Variants in RCOR1 observed in about 807,000 individuals in gnomAD.
RCOR1 encodes the protein REST corepressor 1.
A neutral mutation model predicts 64.0 loss-of-function variants in RCOR1; 12 were observed. The ratio of observed to expected loss-of-function variants is 0.19; its 90% confidence interval spans 0.12 to 0.30. The LOEUF is 0.30. Ranked by LOEUF, RCOR1 falls within the 10% of genes least tolerant of loss-of-function variation. RCOR1 has a pLI of 1.00. For synonymous variants in RCOR1, 279 were observed against 227.2 expected (o/e 1.23, Z -2.05); for missense variants, 502 against 621.2 (o/e 0.81, Z 2.04).
At chr14:102,623,967 G>A (rs1200139793) in intron 2 of RCOR1, among the ~76,000 whole-genome samples, 1 of 151,280 alleles carries the variant, frequency 6.6e-6, no homozygotes, top group African/African-American at 2.4e-5. Flanking sequence ...GCTGAGGCGG[G>A]TGGATCATGA....
Position 102,592,984 on chromosome 14 carries a change from C to A in RCOR1, c.98C>A (p.Ala33Asp). The change falls in exon 1 of 12, where the codon GCC becomes GAC. Residue 33 changes from alanine to aspartate, a missense_variant. By Grantham distance (126) the Ala-to-Asp change is moderately radical. Around this residue, in one of 2 missense-constraint regions of RCOR1, gnomAD observed 242 missense variants for 204.9 expected, o/e 1.18. Transcript: ENST00000262241. ...GCCTCCGCCGCCGCCGCCTCCGCCG[C>A]CGCCTCGGCCGCCTGCGCCTCGCCA... ...ASASAAAASAAASAACASPAA... is the reference protein window; with the variant it reads ...ASASAAAASADASAACASPAA... 8.7e-7 allele frequency: 1 copy of A among 1,151,912 alleles called. No individual in the cohort carries two copies. 71.4% of individuals were successfully genotyped at this position (1,151,912 alleles called of 1,614,324 possible).
At chr14:102,617,769 T>C (rs1893791862) in intron 2 of RCOR1, among the ~76,000 whole-genome samples, 1 of 151,740 alleles carries the variant, frequency 6.6e-6, no homozygotes, top group African/African-American at 2.4e-5. Flanking sequence ...TTTGTATTTT[T>C]AGTAGAGACG....
chr14:102,603,145 T>G (rs1319756122), intron 2 of RCOR1, among the ~76,000 whole-genome samples: 2 of 151,986 alleles, frequency 1.3e-5, no homozygotes, highest in African/African-American at 2.4e-5. Flanking sequence ...AGTGGCGTGA[T>G]CATAGCGTAC....
intron 4 of RCOR1, among the ~76,000 whole-genome samples, chr14:102,703,199 A>AC (rs1220870018): frequency 6.6e-6 from 1 of 152,220 alleles, no homozygotes; most frequent in Non-Finnish European, 1.5e-5. Context: ...TGAAGAGTGA[A>AC]CAGAGCCTAA....
chr14:102,660,250 A>G (rs1894802862), intron 2 of RCOR1, among the ~76,000 whole-genome samples: 1 of 149,156 alleles, frequency 6.7e-6, no homozygotes, highest in Admixed American at 6.8e-5. Flanking sequence ...AACAACTTTA[A>G]GAATGTGATA....
intron 2 of RCOR1, among the ~76,000 whole-genome samples, chr14:102,625,345 C>G (rs982809213): frequency 6.8e-6 from 1 of 147,588 alleles, no homozygotes; most frequent in African/African-American, 2.5e-5. Context: ...AAGCGATTCT[C>G]CTGCCTCAGC....
At chr14:102,664,819 A>C (rs980954945) in intron 2 of RCOR1, among the ~76,000 whole-genome samples, 1 of 152,240 alleles carries the variant, frequency 6.6e-6, no homozygotes, top group African/African-American at 2.4e-5. Flanking sequence ...TAGAGGAGAA[A>C]GAAAATCATA....
intron 2 of RCOR1, among the ~76,000 whole-genome samples, chr14:102,675,324 A>G (rs1002001269): frequency 6.6e-6 from 1 of 152,182 alleles, no homozygotes; most frequent in Non-Finnish European, 1.5e-5. Flanking sequence ...ACTGAACCCT[A>G]TATATATACT....
intron 2 of RCOR1, chr14:102,658,649 C>G (rs116551309): frequency 1.0e-6 from 1 of 983,812 alleles, no homozygotes. Flanking sequence ...TCTTACATCA[C>G]CAAGGTGTGC....
At chr14:102,600,163 T>G (rs1050417093) in intron 2 of RCOR1, among the ~76,000 whole-genome samples, 6 of 152,104 alleles carry the variant, frequency 3.9e-5, no homozygotes, top group African/African-American at 1.2e-4. Context: ...CTCAGCTCAC[T>G]ACAAGCTCCG....
intron 8 of RCOR1, 64 bp from the exon 9 acceptor site, chr14:102,720,943 G>A: frequency 1.2e-6 from 1 of 865,460 alleles, no homozygotes; most frequent in East Asian, 2.8e-5. Context: ...AGGTTTTTAA[G>A]TTCTGTTTTC....
chr14:102,670,311 A>G (rs1895006405), intron 2 of RCOR1, among the ~76,000 whole-genome samples: 1 of 152,150 alleles, frequency 6.6e-6, no homozygotes, highest in Admixed American at 6.5e-5. Context: ...CTGATGAGTA[A>G]TTTGGAGTTT....
chr14:102,679,168 T>C (rs1302279028), intron 2 of RCOR1, among the ~76,000 whole-genome samples: 1 of 152,224 alleles, frequency 6.6e-6, no homozygotes, highest in Admixed American at 6.5e-5. Flanking sequence ...ATTTTGGTAC[T>C]GTATCTAAGA....
At chr14:102,651,113 G>A (rs1894579098) in intron 2 of RCOR1, 15 of 983,552 alleles carry the variant, frequency 1.5e-5, no homozygotes, top group Non-Finnish European at 1.8e-5. Context: ...AGTATGTTTG[G>A]TGCTGAGACC....
At chr14:102,593,216 G>GGCCCC (rs1893170183) in intron 1 of RCOR1, 29 bp downstream of exon 1, 1 of 1,478,396 alleles carries the variant, frequency 6.8e-7, no homozygotes, top group Admixed American at 2.8e-5. Flanking sequence ...CGCGGCCCCG[G>GGCCCC]GCCCCGCGCC....
In RCOR1 at chr14:102,681,951, C is replaced by T; in HGVS notation, c.418C>T (p.Pro140Ser). ...CAATCTTGGCATGTTGGTCTGGTCA[C>T]CCAATCAAAATCTGTCAGAAGCAAA... is the stretch of plus-strand genomic sequence containing the variant. ...RDNLGMLVWS[P>S]NQNLSEAKLD... The change falls in exon 3 of 12, where the codon CCC (proline) becomes TCC (serine). Residue 140 changes from proline to serine, a missense_variant. Pro to Ser is a moderately conservative substitution (Grantham distance 74). Transcript: ENST00000262241. 1 of 1,613,726 alleles carries T rather than the reference C, an allele frequency of 6.2e-7. No homozygotes were observed. Among genetic ancestry groups the T allele is most frequent in the Non-Finnish European group, 8.5e-7 (1 of 1,179,680 alleles).
intron 2 of RCOR1, among the ~76,000 whole-genome samples, chr14:102,632,659 CTT>C: frequency 1.6e-5 from 1 of 64,252 alleles, no homozygotes; most frequent in South Asian, 7.3e-4. Context: ...CTTTCCTTTC[CTT>C]TCCTTTCCTT....
intron 2 of RCOR1, among the ~76,000 whole-genome samples, chr14:102,597,628 C>CTTTTTTTT (rs57656879): frequency 2.2e-5 from 1 of 44,950 alleles, no homozygotes; most frequent in Non-Finnish European, 3.8e-5. Context: ...TGCGCCCGAC[C>CTTTTTTTT]TTTTTTTTTT....
At position 102,593,104 on chromosome 14, in the gene RCOR1, T is replaced by TGGA. The variant is rs776947273; in HGVS notation, c.220_221insAGG (p.Leu73_Ala74insGlu). ...CCCAATAATGGCCAGAATAAAAGTT[T>TGGA]GGCGGCGGCGGCGCCCAATGGCAAC... On this transcript the variant is annotated inframe_insertion, in exon 1 of 12. Transcript: ENST00000262241. 1 of 1,500,844 alleles carries TGGA rather than the reference T, an allele frequency of 6.7e-7. No individual in the cohort carries two copies. 93.0% of individuals were successfully genotyped at this position (1,500,844 alleles called of 1,614,324 possible). A position where few individuals can be genotyped will look rare whatever the true frequency, so the allele number is the denominator to read the frequency against.
Sources: gnomAD v4.1 joint callset for allele counts (sites outside exome capture counted in the v4.1 genomes callset) on GRCh38, gnomAD v4.1.1 for gene constraint, gnomAD v4.1.1 regional missense constraint, MANE v1.5 for transcripts, NCBI Gene and HGNC (gene_info 2026-07-23, HGNC 2026-07-21) for gene names.